CCNY: variants seen among roughly 807,000 people sequenced by gnomAD.
The protein encoded by CCNY is cyclin-Y.
Under a neutral mutation model 42.8 loss-of-function variants are expected in CCNY, and 19 were observed. The observed-to-expected ratio is 0.44, with a 90% confidence interval of 0.31 to 0.65. The LOEUF is 0.65. Ranked by LOEUF, CCNY falls within the 30% of genes least tolerant of loss-of-function variation. CCNY has a pLI of 0.07. For synonymous variants in CCNY, 165 were observed against 162.7 expected, an observed-to-expected ratio of 1.01 and a Z score of -0.11; for missense variants, 370 against 437.3, an observed-to-expected ratio of 0.85 and a Z score of 1.37.
In CCNY at chr10:35,546,174, T is replaced by A. The variant is rs116573081; in HGVS notation, c.580-6845T>A. 7.0e-3 allele frequency among the ~76,000 whole-genome samples: 1,072 copies of A among 152,326 alleles called. 11 individuals are homozygous for A. The highest frequency in any genetic ancestry group is 0.025 in the African/African-American group (1,023 of 41,568). On this transcript the variant is annotated intron_variant, in intron 7 of 9. Transcript: ENST00000374704. The stretch of plus-strand genomic sequence containing the variant: ...AACCAAACAGCTGAAAGACGGCAGA[T>A]TTAAAGTCCAGAAAGAAATTATATC...
At chr10:35,360,141 T>C (rs1464537970) in intron 1 of CCNY, among the ~76,000 whole-genome samples, 1 of 152,246 alleles carries the variant, frequency 6.6e-6, no homozygotes, top group Non-Finnish European at 1.5e-5. Context: ...GTGGAATTGC[T>C]GGAAGGACTG....
At chr10:35,454,118 G>A (rs2135317926) in intron 1 of CCNY, among the ~76,000 whole-genome samples, 1 of 152,288 alleles carries the variant, frequency 6.6e-6, no homozygotes, top group South Asian at 2.1e-4. Flanking sequence ...TCCTGTGTGT[G>A]GGTGGGAATC....
chr10:35,547,203 CAG>C (rs1217919979), intron 7 of CCNY, among the ~76,000 whole-genome samples: 1 of 152,194 alleles, frequency 6.6e-6, no homozygotes, highest in Admixed American at 6.5e-5. Context: ...GATGTTCACA[CAG>C]AGGACAATTA....
At chr10:35,503,893 CT>C (rs1458426411) in intron 3 of CCNY, among the ~76,000 whole-genome samples, 1 of 152,170 alleles carries the variant, frequency 6.6e-6, no homozygotes, top group African/African-American at 2.4e-5. Context: ...GGTTGTTTAG[CT>C]TGCTTATCTG....
At chr10:35,529,240 G>C (rs1029090652) in intron 5 of CCNY, among the ~76,000 whole-genome samples, 19 of 152,154 alleles carry the variant, frequency 1.2e-4, no homozygotes, top group African/African-American at 4.3e-4. Context: ...TAGTGACGTT[G>C]CGTGTTGTGA....
At chr10:35,300,828 G>C (rs1418655030) in intron 3 of CCNY, among the ~76,000 whole-genome samples, 1 of 151,690 alleles carries the variant, frequency 6.6e-6, no homozygotes, top group Non-Finnish European at 1.5e-5. Flanking sequence ...TTTTGAGATG[G>C]AGTTTTGCTC....
chr10:35,382,606 A>G (rs140373088), intron 1 of CCNY, among the ~76,000 whole-genome samples: 8 of 152,270 alleles, frequency 5.3e-5, no homozygotes, highest in Middle Eastern at 3.4e-3. Flanking sequence ...GACTCCTGCT[A>G]ACTGTCCTGT....
At chr10:35,344,737 G>A (rs950890418) in intron 1 of CCNY, among the ~76,000 whole-genome samples, 5 of 149,588 alleles carry the variant, frequency 3.3e-5, no homozygotes, top group East Asian at 2.0e-4. Context: ...CCCCCCACCC[G>A]ACAACAGGCC....
intron 1 of CCNY, among the ~76,000 whole-genome samples, chr10:35,365,920 TGATTTGTGTGTGTCTAGGGAATGGACAGA>T (rs1822856424): frequency 6.6e-6 from 1 of 152,156 alleles, no homozygotes; most frequent in Non-Finnish European, 1.5e-5. Context: ...CAGAGACAAG[TGATTTGTGTGTGTCTAGGGAATGGACAGA>T]GATTCTCTTC....
intron 1 of CCNY, among the ~76,000 whole-genome samples, chr10:35,392,138 C>T (rs1204237992): frequency 6.6e-6 from 1 of 152,116 alleles, no homozygotes; most frequent in African/African-American, 2.4e-5. Flanking sequence ...GATAGGAACT[C>T]TTTTTATATT....
chr10:35,480,127 C>T (rs935147815), intron 1 of CCNY, among the ~76,000 whole-genome samples: 1 of 152,144 alleles, frequency 6.6e-6, no homozygotes, highest in Non-Finnish European at 1.5e-5. Flanking sequence ...GTCTTGAAGT[C>T]TCTGAACTCT....
chr10:35,498,195 C>G (rs192126545), intron 2 of CCNY, among the ~76,000 whole-genome samples: 18 of 152,250 alleles, frequency 1.2e-4, no homozygotes, highest in Non-Finnish European at 1.2e-4. Context: ...AGACCCAGCA[C>G]CCAGGATTTT....
chr10:35,452,184 C>T (rs1480539038), intron 1 of CCNY, among the ~76,000 whole-genome samples: 2 of 152,106 alleles, frequency 1.3e-5, no homozygotes, highest in African/African-American at 4.8e-5. Flanking sequence ...ATTGAAGTTG[C>T]AGTTGTTGAC....
At chr10:35,420,972 T>G (rs967445969) in intron 1 of CCNY, among the ~76,000 whole-genome samples, 13 of 152,238 alleles carry the variant, frequency 8.5e-5, no homozygotes, top group Admixed American at 8.5e-4. Context: ...GAGCAAGTCA[T>G]GGCCAAGTGT....
chr10:35,498,610 C>A (rs1338569102), intron 2 of CCNY, among the ~76,000 whole-genome samples: 1 of 152,186 alleles, frequency 6.6e-6, no homozygotes, highest in African/African-American at 2.4e-5. Context: ...CCAATCCAGG[C>A]AGGATGGTCA....
intron 1 of CCNY, among the ~76,000 whole-genome samples, chr10:35,437,686 C>CACCACCTT (rs1838569251): frequency 6.6e-6 from 1 of 151,902 alleles, no homozygotes; most frequent in Admixed American, 6.6e-5. Context: ...AAAACACCAC[C>CACCACCTT]ACCACCTTTT....
chr10:35,384,201 T>A (rs1837254004), intron 1 of CCNY, among the ~76,000 whole-genome samples: 1 of 152,050 alleles, frequency 6.6e-6, no homozygotes, highest in African/African-American at 2.4e-5. Context: ...TTAAGGACAA[T>A]GACGGGGATT....
intron 1 of CCNY, among the ~76,000 whole-genome samples, chr10:35,406,811 C>G (rs1205857979): frequency 2.0e-5 from 3 of 152,108 alleles, no homozygotes; most frequent in African/African-American, 7.2e-5. Flanking sequence ...GGCGGCCAGG[C>G]AGAGGCGCCC....
At chr10:35,405,550 T>C (rs1298312036) in intron 1 of CCNY, among the ~76,000 whole-genome samples, 1 of 152,118 alleles carries the variant, frequency 6.6e-6, no homozygotes, top group African/African-American at 2.4e-5. Flanking sequence ...ATTGTCCAAG[T>C]TGGCACCAGA....
Sources: allele counts gnomAD v4.1 joint callset (sites outside exome capture counted in the v4.1 genomes callset), GRCh38; gene constraint gnomAD v4.1.1; transcripts MANE v1.5; gene names NCBI Gene and HGNC (gene_info 2026-07-23, HGNC 2026-07-21).